The following DENND2A variants were observed in gnomAD, a reference collection of about 807,000 sequenced individuals.
DENND2A encodes the protein DENN domain containing 2A.
A neutral mutation model predicts 105.3 loss-of-function variants in DENND2A; 53 were observed. The observed-to-expected ratio is 0.50, with a 90% CI of 0.40 to 0.63. The LOEUF is 0.63. Ranked by LOEUF, DENND2A falls within the 30% of genes least tolerant of loss-of-function variation. The probability of loss-of-function intolerance (pLI) is 0.00; values close to 1 mark genes in which losing one functional copy is unlikely to be tolerated. For missense variants in DENND2A, 1,138 were observed against 1,279.6 expected (o/e 0.89, Z 1.69); for synonymous variants, 522 against 508.4 (o/e 1.03, Z -0.36).
chr7:140,573,617 A>G (rs750800677), intron 6 of DENND2A, among the ~76,000 whole-genome samples, 191 bp downstream of exon 6: 13 of 152,188 alleles, frequency 8.5e-5, no homozygotes, highest in Non-Finnish European at 8.8e-5. Context: ...GGAAGACCAC[A>G]GGACCACAAA....
At chr7:140,530,944 C>T (rs181522651) in intron 14 of DENND2A, among the ~76,000 whole-genome samples, 2 of 152,290 alleles carry the variant, frequency 1.3e-5, no homozygotes, top group Non-Finnish European at 2.9e-5. Context: ...GTTGGTCAGG[C>T]TGGTCTCGAA....
chr7:140,572,985 A>G (rs1001107053), intron 6 of DENND2A, among the ~76,000 whole-genome samples: 1 of 152,086 alleles, frequency 6.6e-6, no homozygotes, highest in Non-Finnish European at 1.5e-5. Context: ...AGCGATGGGG[A>G]GTTGAGGCCA....
intron 9 of DENND2A, among the ~76,000 whole-genome samples, chr7:140,565,397 G>T (rs1019752147): frequency 6.6e-6 from 1 of 152,044 alleles, no homozygotes. Context: ...GAGGACAGGA[G>T]ACACATTTTG....
chr7:140,634,860 G>C (rs1800862295), intron 1 of DENND2A, among the ~76,000 whole-genome samples: 1 of 151,986 alleles, frequency 6.6e-6, no homozygotes, highest in African/African-American at 2.4e-5. Flanking sequence ...TACTTGGGAA[G>C]CTGAGGCAGG....
chr7:140,557,116 T>C (rs1303991289), intron 11 of DENND2A, among the ~76,000 whole-genome samples: 5 of 152,042 alleles, frequency 3.3e-5, no homozygotes, highest in Non-Finnish European at 7.4e-5. Context: ...ATGGAGAAAG[T>C]ATTTTTGTCC....
At chr7:140,600,133 A>C (rs1418223751) in intron 3 of DENND2A, among the ~76,000 whole-genome samples, 1 of 152,042 alleles carries the variant, frequency 6.6e-6, no homozygotes, top group Non-Finnish European at 1.5e-5. Context: ...GCCATTTAGA[A>C]GGATGACAAT....
chr7:140,559,633 G>T lies in DENND2A; in HGVS notation c.1889+75C>A, dbSNP rs1276750282. 2 of 1,069,756 alleles carry T rather than the reference G, an allele frequency of 1.9e-6. No homozygotes were observed. The highest frequency in any genetic ancestry group is 1.6e-5 in the African/African-American group (1 of 63,946). The allele number at this position is 1,069,756 out of a possible 1,614,324, so 66.3% of individuals were successfully genotyped here. On this transcript the variant is annotated intron_variant, in intron 10 of 19. Coordinates refer to ENST00000496613, the MANE Select transcript of DENND2A (RefSeq NM_015689.5). The surrounding 1 kb of genome is among the most constrained non-coding windows in gnomAD (Gnocchi z 4.1). Reference sequence around the variant, plus strand: ...CTTAACGGTGGGAATGACTCATGTGGTCTGCCACCTGTAACCCCGTCTCTA... The same window carrying T: ...CTTAACGGTGGGAATGACTCATGTGTTCTGCCACCTGTAACCCCGTCTCTA...
At chr7:140,611,274 G>A (rs1026140911) in intron 1 of DENND2A, among the ~76,000 whole-genome samples, 3 of 151,942 alleles carry the variant, frequency 2.0e-5, no homozygotes, top group African/African-American at 4.8e-5. Flanking sequence ...GCCCACACCT[G>A]TAATCTCAGC....
At chr7:140,553,802 G>C (rs1056709061) in intron 12 of DENND2A, among the ~76,000 whole-genome samples, 1 of 152,222 alleles carries the variant, frequency 6.6e-6, no homozygotes, top group Non-Finnish European at 1.5e-5. Context: ...CAGAGAGCAC[G>C]GCGTTGGGGG....
At chr7:140,630,587 G>A (rs1294414195) in intron 1 of DENND2A, among the ~76,000 whole-genome samples, 3 of 152,286 alleles carry the variant, frequency 2.0e-5, no homozygotes, top group African/African-American at 7.2e-5. Flanking sequence ...GCTCACACCT[G>A]TAATCCTAGC....
At chr7:140,519,495 C>T in intron 19 of DENND2A, 137 bp downstream of exon 19, 2 of 647,694 alleles carry the variant, frequency 3.1e-6, no homozygotes, top group Middle Eastern at 4.4e-4. Flanking sequence ...GTTAAAATGC[C>T]AGTAGCATCT....
intron 1 of DENND2A, among the ~76,000 whole-genome samples, chr7:140,606,014 T>C (rs1799674656): frequency 6.6e-6 from 1 of 152,180 alleles, no homozygotes; most frequent in Non-Finnish European, 1.5e-5. Context: ...TCAGAACTCA[T>C]GCCAACCTCT....
chr7:140,634,157 C>G (rs1800835949), intron 1 of DENND2A, among the ~76,000 whole-genome samples: 1 of 152,012 alleles, frequency 6.6e-6, no homozygotes, highest in Non-Finnish European at 1.5e-5. Flanking sequence ...CGCCACCACG[C>G]CCGGCTAATT....
In DENND2A at chr7:140,573,974, T is replaced by A; in HGVS notation, c.1280A>T (p.Asn427Ile). 6.2e-7 allele frequency: 1 copy of A among 1,614,014 alleles called. No homozygotes were observed. Residue 427 changes from asparagine (N) to isoleucine (I), a missense_variant, in exon 6 of 20, where the codon AAT (asparagine) becomes ATT (isoleucine). Around this residue, in one of 2 missense-constraint regions of DENND2A, gnomAD observed 627 missense variants for 779.8 expected, o/e 0.80. Coordinates refer to ENST00000496613, the MANE Select transcript of DENND2A (RefSeq NM_015689.5). ...CAGCTTGAAGTTCCTCCTCTCTGAA[T>A]TTTGTCGGAAAAAAGCAGGTTTGGA... ...SLSKPAFFRQ[N>I]SERRNFKLLD...
chr7:140,629,373 C>T (rs967590247), intron 1 of DENND2A, among the ~76,000 whole-genome samples: 10 of 151,982 alleles, frequency 6.6e-5, no homozygotes, highest in African/African-American at 2.4e-4. Context: ...CATTGGATTC[C>T]AAGAGTTGGG....
intron 8 of DENND2A, 68 bp downstream of exon 8, chr7:140,568,695 G>A: frequency 6.6e-7 from 1 of 1,522,292 alleles, no homozygotes; most frequent in Non-Finnish European, 9.1e-7. Flanking sequence ...TCATACTAAG[G>A]AGGAGGGGCC....
intron 6 of DENND2A, among the ~76,000 whole-genome samples, chr7:140,571,507 T>G (rs942429348): frequency 3.9e-5 from 6 of 152,108 alleles, no homozygotes; most frequent in African/African-American, 1.4e-4. Context: ...TGTCTGGCCC[T>G]CTTTGCTTCT....
chr7:140,529,417 C>T (rs963371689), intron 14 of DENND2A, among the ~76,000 whole-genome samples: 2 of 152,144 alleles, frequency 1.3e-5, no homozygotes, highest in Non-Finnish European at 1.5e-5. Context: ...ACTAGAAATA[C>T]CATTTGACCC....
chr7:140,550,712 G>A (rs1051863934), intron 12 of DENND2A, among the ~76,000 whole-genome samples: 2 of 151,622 alleles, frequency 1.3e-5, no homozygotes, highest in African/African-American at 2.4e-5. Context: ...TCCACACCTC[G>A]GCCTCCCAAA....
Sources: gnomAD v4.1 joint callset for allele counts (sites outside exome capture counted in the v4.1 genomes callset) on GRCh38, gnomAD v4.1.1 for gene constraint, gnomAD v4.1.1 regional missense constraint, Gnocchi (gnomAD v3.1) non-coding constraint, MANE v1.5 for transcripts, NCBI Gene and HGNC (gene_info 2026-07-23, HGNC 2026-07-21) for gene names.